The following STX12 variants were observed in gnomAD, a reference collection of about 807,000 sequenced individuals.
The protein encoded by STX12 is syntaxin 12, also known as syntaxin-12.
STX12 carries 17 observed loss-of-function variants against 42.2 expected under a neutral mutation model. That is an observed-to-expected ratio of 0.40 (90% CI 0.28 to 0.60). STX12 has a LOEUF of 0.60. Among genes scored for constraint, STX12 ranks in the 20% least tolerant of loss-of-function variants. STX12 has a pLI of 0.39. For synonymous variants in STX12, 108 were observed against 116.7 expected, an observed-to-expected ratio of 0.93 and a Z score of 0.48; for missense variants, 297 against 330.9, an observed-to-expected ratio of 0.90 and a Z score of 0.79.
intron 1 of STX12, among the ~76,000 whole-genome samples, chr1:27,775,500 G>A (rs1317860572): frequency 6.6e-6 from 1 of 152,172 alleles, no homozygotes; most frequent in Non-Finnish European, 1.5e-5. Context: ...TTGAACTCCT[G>A]TGCTCAAGTG....
At chr1:27,789,048 T>G (rs545789155) in intron 1 of STX12, among the ~76,000 whole-genome samples, 4 of 152,114 alleles carry the variant, frequency 2.6e-5, no homozygotes, top group Admixed American at 2.6e-4. Flanking sequence ...GTACATCTAC[T>G]GGAGATTGCT....
intron 4 of STX12, among the ~76,000 whole-genome samples, chr1:27,806,024 A>G (rs569527645): frequency 6.6e-6 from 1 of 152,232 alleles, no homozygotes; most frequent in African/African-American, 2.4e-5. Context: ...TATCATTTGG[A>G]TAGTATTGGT....
At chr1:27,794,650 A>G (rs2088772469) in intron 3 of STX12, among the ~76,000 whole-genome samples, 1 of 152,106 alleles carries the variant, frequency 6.6e-6, no homozygotes, top group Non-Finnish European at 1.5e-5. Flanking sequence ...TTCTCCGTCT[A>G]CCTTCCTATT....
chr1:27,815,170 G>A (rs1028414187), intron 6 of STX12, among the ~76,000 whole-genome samples: 3 of 152,170 alleles, frequency 2.0e-5, no homozygotes, highest in African/African-American at 7.2e-5. Flanking sequence ...TTTTATATCA[G>A]TGACTTAGAG....
At chr1:27,789,450 G>A in intron 1 of STX12, 112 bp from the exon 2 acceptor site, 1 of 680,288 alleles carries the variant, frequency 1.5e-6, no homozygotes, top group African/African-American at 1.8e-5. Flanking sequence ...TCTATTAGTT[G>A]CATGTATTAA....
At chr1:27,808,849 T>C (rs1250546306) in intron 4 of STX12, among the ~76,000 whole-genome samples, 2 of 152,206 alleles carry the variant, frequency 1.3e-5, no homozygotes, top group Non-Finnish European at 2.9e-5. Context: ...TGCCTAACTT[T>C]CTTAATTCAA....
intron 1 of STX12, among the ~76,000 whole-genome samples, chr1:27,779,553 A>G (rs921349250): frequency 6.6e-6 from 1 of 151,990 alleles, no homozygotes; most frequent in African/African-American, 2.4e-5. Context: ...GCTGGTCTCG[A>G]ACTCCTGACC....
chr1:27,810,586 G>C (rs1369686300), intron 5 of STX12, among the ~76,000 whole-genome samples: 2 of 152,142 alleles, frequency 1.3e-5, no homozygotes, highest in East Asian at 1.9e-4. Flanking sequence ...CATGTCTACA[G>C]ATTAGGAAGT....
chr1:27,778,134 A>T (rs1230221446), intron 1 of STX12, among the ~76,000 whole-genome samples: 1 of 152,152 alleles, frequency 6.6e-6, no homozygotes, highest in East Asian at 1.9e-4. Context: ...GAGCATAGTT[A>T]TTCTTTTTTC....
Position 27,818,687 on chromosome 1 carries a change from T to C in STX12, c.649+764T>C, listed in dbSNP as rs149710012. Among the ~76,000 whole-genome samples the C allele has an allele frequency of 9.8e-4, 148 of 151,780 alleles. 3 individuals are homozygous for C. In the East Asian group the frequency reaches 0.028, roughly 29 times the overall value. On this transcript the variant is annotated intron_variant, in intron 7 of 8. Coordinates refer to ENST00000373943, the MANE Select transcript of STX12 (RefSeq NM_177424.3). ...TGTTGTTGCCCAGGCTGGAGTGCGATGGTGCGATCTTGGCTCACCACAACC... is the reference window on the plus strand; with the variant it reads ...TGTTGTTGCCCAGGCTGGAGTGCGACGGTGCGATCTTGGCTCACCACAACC...
intron 7 of STX12, 26 bp downstream of exon 7, chr1:27,817,949 T>C (rs193135772): frequency 5.7e-6 from 9 of 1,591,324 alleles, no homozygotes; most frequent in Middle Eastern, 1.7e-4. Context: ...ACCTTTAACC[T>C]CAAGGTGAGT....
In STX12 at chr1:27,801,776, G is replaced by A; in HGVS notation, c.387G>A (p.Lys129=). The change falls in exon 4 of 9, where the codon AAG becomes AAA. Residue 129 remains lysine, a synonymous_variant. Transcript: ENST00000373943. ...AGAGAAGGGTATCTGAAAAGGAAAA[G>A]GAGAGTATTGCCAGAGCAAGAGCTG... ...AVQRRVSEKE[K]ESIARARAGS... 6.3e-7 allele frequency: 1 copy of A among 1,595,144 alleles called. No individual in the cohort carries two copies. Among genetic ancestry groups the A allele is most frequent in the Non-Finnish European group, 8.5e-7 (1 of 1,173,258 alleles).
intron 5 of STX12, chr1:27,811,955 C>T (rs1470199079): frequency 4.7e-6 from 3 of 639,692 alleles, no homozygotes; most frequent in East Asian, 6.6e-5. Flanking sequence ...CAGCTTTGCC[C>T]ATGGAAGCTG....
At chr1:27,783,904 C>T (rs1180075826) in intron 1 of STX12, among the ~76,000 whole-genome samples, 1 of 152,104 alleles carries the variant, frequency 6.6e-6, no homozygotes, top group Non-Finnish European at 1.5e-5. Context: ...CTTGGCCAAG[C>T]GTGGTGGCTC....
rs536811974 is a variant in STX12 at position 27,808,187 on chromosome 1, G to A, written c.427-2059G>A. On this transcript the variant is annotated intron_variant, in intron 4 of 8. Coordinates refer to ENST00000373943, the MANE Select transcript of STX12 (RefSeq NM_177424.3). ...GAAAAAAACAAACCAAAAACCCACAGTGTTCCTCTGAGTGGATAGAAATTT... is the reference window on the plus strand; with the variant it reads ...GAAAAAAACAAACCAAAAACCCACAATGTTCCTCTGAGTGGATAGAAATTT... Among the ~76,000 whole-genome samples, 3 of 152,092 alleles carry A rather than the reference G, an allele frequency of 2.0e-5. No homozygotes were observed. In the South Asian group the frequency reaches 6.2e-4, roughly 32 times the overall value.
chr1:27,791,084 A>G (rs2088737386), intron 2 of STX12, among the ~76,000 whole-genome samples: 1 of 152,254 alleles, frequency 6.6e-6, no homozygotes, highest in South Asian at 2.1e-4. Context: ...AACATGGTGA[A>G]ACTCCATCTC....
intron 1 of STX12, among the ~76,000 whole-genome samples, chr1:27,784,054 C>T (rs935413819): frequency 2.0e-5 from 3 of 151,994 alleles, no homozygotes; most frequent in Non-Finnish European, 4.4e-5. Flanking sequence ...GTGGCACATG[C>T]CTATAATCTC....
At chr1:27,788,868 C>G (rs568761875) in intron 1 of STX12, among the ~76,000 whole-genome samples, 1 of 152,090 alleles carries the variant, frequency 6.6e-6, no homozygotes, top group African/African-American at 2.4e-5. Context: ...AAAAATTAAT[C>G]GGGCGTGGTG....
intron 1 of STX12, among the ~76,000 whole-genome samples, chr1:27,774,289 A>G (rs2088614206): frequency 6.6e-6 from 1 of 152,206 alleles, no homozygotes; most frequent in African/African-American, 2.4e-5. Context: ...GTGAAACTGT[A>G]GCTGAATGAG....
Sources: gnomAD v4.1 joint callset for allele counts (sites outside exome capture counted in the v4.1 genomes callset) on GRCh38, gnomAD v4.1.1 for gene constraint, MANE v1.5 for transcripts, NCBI Gene and HGNC (gene_info 2026-07-23, HGNC 2026-07-21) for gene names.